Variants in PIBF1 observed in about 807,000 individuals in gnomAD.
PIBF1 encodes progesterone immunomodulatory binding factor 1.
Under a neutral mutation model 112.5 loss-of-function variants are expected in PIBF1, and 90 were observed. The ratio of observed to expected loss-of-function variants is 0.80; its 90% CI spans 0.67 to 0.95. The LOEUF is 0.95. PIBF1 is among the 40% of genes least tolerant of loss of function. The pLI is 0.00. For synonymous variants in PIBF1, 301 were observed against 288.6 expected (o/e 1.04, Z -0.44); for missense variants, 915 against 852.3 (o/e 1.07, Z -0.92).
intron 9 of PIBF1, among the ~76,000 whole-genome samples, chr13:72,844,592 G>A (rs1055051242): frequency 2.6e-5 from 4 of 151,802 alleles, no homozygotes; most frequent in Non-Finnish European, 4.4e-5. Flanking sequence ...TCAGTGTTTC[G>A]GTTTTCTGTT....
chr13:72,834,639 A>G (rs576024520), intron 8 of PIBF1, among the ~76,000 whole-genome samples: 1 of 152,176 alleles, frequency 6.6e-6, no homozygotes, highest in African/African-American at 2.4e-5. Context: ...AAAGAAAAAA[A>G]TACTAAAACA....
chr13:72,864,315 G>A (rs202213840), intron 10 of PIBF1, among the ~76,000 whole-genome samples: 3 of 152,280 alleles, frequency 2.0e-5, no homozygotes, highest in South Asian at 2.1e-4. Context: ...GGGGTTACAC[G>A]TTGAGAGAGT....
intron 2 of PIBF1, among the ~76,000 whole-genome samples, chr13:72,784,642 C>G (rs546065423): frequency 6.6e-6 from 1 of 151,584 alleles, no homozygotes; most frequent in Non-Finnish European, 1.5e-5. Flanking sequence ...GCCTGCAGGC[C>G]CAGCTACTTC....
At chr13:72,841,012 C>T (rs1216031863) in intron 9 of PIBF1, among the ~76,000 whole-genome samples, 2 of 152,000 alleles carry the variant, frequency 1.3e-5, no homozygotes, top group African/African-American at 4.8e-5. Context: ...TCCACTAGTT[C>T]TTGAAGTTAA....
rs200582440 is a variant in PIBF1, at chr13:72,929,646, A to G, written c.1731-1519A>G. Among the ~76,000 whole-genome samples, 61 of 152,254 alleles carry G rather than the reference A, an allele frequency of 4.0e-4. No homozygotes were observed. The East Asian group carries it at 6.2e-3, about 15-fold the overall frequency. Reference sequence around the variant, plus strand: ...GTGGACTTTATGATATTTAAGTTGCATATCAGTAAAATTGTATGTCAGTAA... The same window carrying G: ...GTGGACTTTATGATATTTAAGTTGCGTATCAGTAAAATTGTATGTCAGTAA... On this transcript the variant is annotated intron_variant, in intron 13 of 17. Transcript: ENST00000326291.
intron 16 of PIBF1, among the ~76,000 whole-genome samples, chr13:72,986,327 T>A (rs1190102874): frequency 6.6e-6 from 1 of 151,992 alleles, no homozygotes; most frequent in Non-Finnish European, 1.5e-5. Flanking sequence ...GTGGGGAAAG[T>A]AGTGAGAAGT....
At chr13:72,947,876 C>T (rs955144639) in intron 14 of PIBF1, among the ~76,000 whole-genome samples, 2 of 152,216 alleles carry the variant, frequency 1.3e-5, no homozygotes, top group Non-Finnish European at 2.9e-5. Context: ...GAAAATGAGG[C>T]ACATACACCA....
chr13:72,989,554 T>C (rs1000964189), intron 16 of PIBF1, among the ~76,000 whole-genome samples: 1 of 152,148 alleles, frequency 6.6e-6, no homozygotes, highest in Non-Finnish European at 1.5e-5. Flanking sequence ...AAAAAGTAGA[T>C]TGATTAGTGA....
chr13:73,003,004 A>AAAAAAAAAAC, intron 17 of PIBF1, among the ~76,000 whole-genome samples: 1 of 150,420 alleles, frequency 6.6e-6, no homozygotes, highest in African/African-American at 2.4e-5. Context: ...AAAAAAAAAA[A>AAAAAAAAAAC]AAAGCCTTAG....
Position 72,797,478 on chromosome 13 carries a change from A to C in PIBF1, c.553-429A>C, listed in dbSNP as rs74846824. ...AGGTAAAGAAATCAGGGAGGGCTTT[A>C]CTAACAAGGTAATATTTGGTCAGAG... is the stretch of plus-strand genomic sequence containing the variant. On this transcript the variant is annotated intron_variant, in intron 4 of 17. Coordinates refer to ENST00000326291, the MANE Select transcript of PIBF1 (RefSeq NM_006346.4). 6.4e-4 allele frequency among the ~76,000 whole-genome samples: 98 copies of C among 152,340 alleles called. No homozygotes were observed. In the East Asian group the frequency reaches 0.017, roughly 27 times the overall value.
chr13:72,888,710 C>A (rs1176147798), intron 10 of PIBF1, among the ~76,000 whole-genome samples: 1 of 151,468 alleles, frequency 6.6e-6, no homozygotes, highest in Non-Finnish European at 1.5e-5. Context: ...AAAAACGGAT[C>A]CCAAGACAGT....
intron 17 of PIBF1, among the ~76,000 whole-genome samples, chr13:73,015,115 T>G (rs577629061): frequency 1.3e-5 from 2 of 150,954 alleles, no homozygotes; most frequent in South Asian, 4.2e-4. Context: ...CCATCTCCCG[T>G]GTTAACTGAG....
At chr13:73,013,163 T>C (rs549422401) in intron 17 of PIBF1, among the ~76,000 whole-genome samples, 162 of 150,076 alleles carry the variant, frequency 1.1e-3, no homozygotes, top group African/African-American at 3.6e-3. Context: ...TAGCCGGGCG[T>C]GGTGGCGGGC....
chr13:72,824,935 T>G (rs2036731881), intron 6 of PIBF1, among the ~76,000 whole-genome samples: 1 of 152,190 alleles, frequency 6.6e-6, no homozygotes, highest in South Asian at 2.1e-4. Flanking sequence ...TTCTGTAGTA[T>G]TCCTGCCCAA....
intron 10 of PIBF1, among the ~76,000 whole-genome samples, chr13:72,872,789 A>G (rs554779176): frequency 6.6e-6 from 1 of 152,308 alleles, no homozygotes; most frequent in African/African-American, 2.4e-5. Context: ...GTATTTCTGT[A>G]TGTTAGCGCT....
chr13:72,898,562 C>T, intron 11 of PIBF1, among the ~76,000 whole-genome samples: 1 of 151,816 alleles, frequency 6.6e-6, no homozygotes, highest in East Asian at 1.9e-4. Context: ...TCAGGCCAGG[C>T]ACGGTGGCTC....
intron 10 of PIBF1, among the ~76,000 whole-genome samples, chr13:72,879,332 G>C (rs971191998): frequency 2.0e-5 from 3 of 152,096 alleles, no homozygotes; most frequent in Non-Finnish European, 4.4e-5. Flanking sequence ...TTAGTATCAG[G>C]AAGTCAAGGA....
chr13:72,950,779 G>T (rs2042273356), intron 14 of PIBF1, among the ~76,000 whole-genome samples: 1 of 152,136 alleles, frequency 6.6e-6, no homozygotes, highest in African/African-American at 2.4e-5. Flanking sequence ...CTGCCCTTTG[G>T]TGCTCATACT....
At chr13:72,981,525 T>A (rs2043157867) in intron 16 of PIBF1, among the ~76,000 whole-genome samples, 1 of 152,096 alleles carries the variant, frequency 6.6e-6, no homozygotes, top group South Asian at 2.1e-4. Context: ...TAGAAGTAAG[T>A]TTATAGGTTT....
Sources: allele counts gnomAD v4.1 joint callset (sites outside exome capture counted in the v4.1 genomes callset), GRCh38; gene constraint gnomAD v4.1.1; transcripts MANE v1.5; gene names NCBI Gene and HGNC (gene_info 2026-07-23, HGNC 2026-07-21).